Variants in PSMD3 observed in about 807,000 individuals in gnomAD.
PSMD3 encodes the protein 26S proteasome non-ATPase regulatory subunit 3.
PSMD3 carries 5 observed loss-of-function variants against 62.8 expected under a neutral mutation model. The ratio of observed to expected loss-of-function variants is 0.08; its 90% CI spans 0.04 to 0.17. The LOEUF is 0.17. Ranked by LOEUF, PSMD3 falls within the 10% of genes least tolerant of loss-of-function variation. The pLI is 1.00. For missense variants in PSMD3, 524 were observed against 713.6 expected, an observed-to-expected ratio of 0.73 and a Z score of 3.03; for synonymous variants, 265 against 283.9, an observed-to-expected ratio of 0.93 and a Z score of 0.67.
In PSMD3 at chr17:39,981,866, A is replaced by G. The variant is rs115676803; in HGVS notation, c.220+676A>G. On this transcript the variant is annotated intron_variant, in intron 1 of 11. Coordinates refer to ENST00000264639, the MANE Select transcript of PSMD3 (RefSeq NM_002809.4). ...TACTCAACCTTTGGCCTAAACTCCT[A>G]TATACCGGTGTCTCCTATTTCTTTT... Among the ~76,000 whole-genome samples, 1,285 of 152,204 alleles carry G rather than the reference A, an allele frequency of 8.4e-3. 23 individuals are homozygous for G. The highest frequency in any genetic ancestry group is 0.03 in the African/African-American group (1,242 of 41,506).
Position 39,997,577 on chromosome 17 carries a change from C to G in PSMD3, c.1601C>G (p.Pro534Arg). Reference sequence around the variant, plus strand: ...GCAGAAGATGATGATGACAGCTTCCCTTGAGCTGGGGGGCTGGGGAGGGGT... The same window carrying G: ...GCAGAAGATGATGATGACAGCTTCCGTTGAGCTGGGGGGCTGGGGAGGGGT... ...EMAEDDDDSFP is the reference protein window; with the variant it reads ...EMAEDDDDSFR Residue 534 changes from proline to arginine, a missense_variant, in exon 12 of 12, where the codon CCT becomes CGT. Transcript: ENST00000264639. The G allele has an allele frequency of 2.6e-6, 4 of 1,566,476 alleles. No individual in the cohort carries two copies. Among genetic ancestry groups the G allele is most frequent in the Middle Eastern group, 1.7e-4 (1 of 5,884 alleles).
chr17:39,992,194 A>G (rs1980674500), intron 6 of PSMD3, among the ~76,000 whole-genome samples: 1 of 152,200 alleles, frequency 6.6e-6, no homozygotes, highest in African/African-American at 2.4e-5. Context: ...CTAGTAATTA[A>G]CATATATAAA....
intron 1 of PSMD3, among the ~76,000 whole-genome samples, chr17:39,983,199 A>AT (rs1156593180): frequency 1.3e-5 from 2 of 152,046 alleles, no homozygotes; most frequent in South Asian, 2.1e-4. Flanking sequence ...CGCCCGGCTA[A>AT]TTTTTTTATT....
chr17:39,995,462 T>A lies in PSMD3; in HGVS notation c.1255T>A (p.Leu419Met). The A allele has an allele frequency of 6.2e-7, 1 of 1,614,106 alleles. No homozygotes were observed. Among genetic ancestry groups the A allele is most frequent in the Non-Finnish European group, 8.5e-7 (1 of 1,179,970 alleles). The change falls in exon 9 of 12, where the codon TTG becomes ATG. Residue 419 changes from leucine to methionine, a missense_variant. Physicochemically the swap from Leu to Met is conservative, Grantham distance 15 (BLOSUM62 2). This residue lies in a region of PSMD3 where 76 missense variants were observed against 97.3 expected (regional missense o/e 0.78). Transcript: ENST00000264639. The surrounding 1 kb of genome is among the most constrained non-coding windows in gnomAD (Gnocchi z 4.1). ...CAGCCTCTCCTATTCCCGAATCTCC[T>A]TGGCTGACATCGCCCAGAAGCTGCA... is the stretch of plus-strand genomic sequence containing the variant. ...MISLSYSRIS[L>M]ADIAQKLQLD...
chr17:39,986,376 G>A (rs990821779), intron 2 of PSMD3, among the ~76,000 whole-genome samples, 199 bp from the exon 3 acceptor site: 8 of 152,160 alleles, frequency 5.3e-5, no homozygotes, highest in South Asian at 2.1e-4. Flanking sequence ...CACTACCGGC[G>A]TGAGCCACCA....
chr17:39,988,615 C>T, intron 3 of PSMD3, 68 bp from the exon 4 acceptor site: 1 of 1,564,264 alleles, frequency 6.4e-7, no homozygotes, highest in Non-Finnish European at 8.7e-7. Flanking sequence ...ATTGCTGGCT[C>T]AAATGACAAC....
Position 39,981,175 on chromosome 17 carries a change from A to G in PSMD3, c.205A>G (p.Thr69Ala). ...AAEHSQRELDTVTLEDIKEHV... is the reference protein window; with the variant it reads ...AAEHSQRELDAVTLEDIKEHV... Reference sequence around the variant, plus strand: ...TGAGCACTCCCAGCGAGAGCTGGACACAGTCACCTTGGAGGGTACGGCAGC... The same window carrying G: ...TGAGCACTCCCAGCGAGAGCTGGACGCAGTCACCTTGGAGGGTACGGCAGC... Residue 69 changes from threonine to alanine, a missense_variant, in exon 1 of 12, where the codon ACA (threonine) becomes GCA (alanine). Coordinates refer to ENST00000264639, the MANE Select transcript of PSMD3 (RefSeq NM_002809.4). The G allele has an allele frequency of 6.4e-7, 1 of 1,550,836 alleles. No homozygotes were observed. The highest frequency in any genetic ancestry group is 8.7e-7 in the Non-Finnish European group (1 of 1,146,860).
intron 1 of PSMD3, 50 bp from the exon 2 acceptor site, chr17:39,984,244 G>A (rs745698403): frequency 1.5e-6 from 2 of 1,317,942 alleles, no homozygotes; most frequent in East Asian, 4.8e-5. Flanking sequence ...CTGGAGTGGT[G>A]GGGGACTAGG....
At chr17:39,981,520 G>T (rs1352437736) in intron 1 of PSMD3, among the ~76,000 whole-genome samples, 1 of 152,108 alleles carries the variant, frequency 6.6e-6, no homozygotes, top group East Asian at 1.9e-4. Context: ...TGATTTTAGC[G>T]CCTCCAATAT....
intron 1 of PSMD3, among the ~76,000 whole-genome samples, 180 bp downstream of exon 1, chr17:39,981,370 C>T (rs8075668): frequency 0.51 from 77,942 of 152,064 alleles, 20,411 homozygotes; most frequent in Middle Eastern, 0.68. Flanking sequence ...TGAACCTTCT[C>T]TCCAGGCTGG....
chr17:39,997,193 C>A, intron 10 of PSMD3, 137 bp from the exon 11 acceptor site: 1 of 760,864 alleles, frequency 1.3e-6, no homozygotes, highest in Non-Finnish European at 2.3e-6. Flanking sequence ...CCTAGCCCCC[C>A]ACTAGACTAA....
intron 6 of PSMD3, 59 bp downstream of exon 6, chr17:39,990,256 T>A: frequency 7.3e-7 from 1 of 1,373,516 alleles, no homozygotes; most frequent in Non-Finnish European, 1.0e-6. Flanking sequence ...TTAAATGGTG[T>A]CTTGCTATGT....
At position 39,995,869 on chromosome 17, in the gene PSMD3, AGCACTTTGGGAG is replaced by A. The variant is rs1980769730; in HGVS notation, c.1321-311_1321-300del. On this transcript the variant is annotated intron_variant, in intron 9 of 11. Coordinates refer to ENST00000264639, the MANE Select transcript of PSMD3 (RefSeq NM_002809.4). This position sits in a 1 kb window ranked among gnomAD's most constrained non-coding sequence, Gnocchi z 4.1. ...CGCAGTGGCTCATGCCTGTAATCCC[AGCACTTTGGGAG>A]GCTGACATGGGCAGATCACCTGAGG... 1 of 477,588 alleles carries A rather than the reference AGCACTTTGGGAG, an allele frequency of 2.1e-6. No homozygotes were observed. Among genetic ancestry groups the A allele is most frequent in the South Asian group, 2.1e-5 (1 of 48,164 alleles). 29.6% of individuals were successfully genotyped at this position (477,588 alleles called of 1,614,324 possible).
At position 39,995,386 on chromosome 17, in the gene PSMD3, G is replaced by A. The variant is rs1435683970; in HGVS notation, c.1217-38G>A. On this transcript the variant is annotated intron_variant, in intron 8 of 11. Transcript: ENST00000264639. This position sits in a 1 kb window ranked among gnomAD's most constrained non-coding sequence, Gnocchi z 4.1. Reference sequence around the variant, plus strand: ...ATCCTTGGGCAAGTGAAGGGTCTGTGTCCACTCTGCCCACCCCATCGCTCC... The same window carrying A: ...ATCCTTGGGCAAGTGAAGGGTCTGTATCCACTCTGCCCACCCCATCGCTCC... The A allele has an allele frequency of 1.1e-5, 18 of 1,612,624 alleles. No individual in the cohort carries two copies. The highest frequency in any genetic ancestry group is 1.5e-5 in the Non-Finnish European group (18 of 1,178,716).
At chr17:39,984,688 A>G (rs939125986) in intron 2 of PSMD3, among the ~76,000 whole-genome samples, 2 of 152,216 alleles carry the variant, frequency 1.3e-5, no homozygotes, top group Non-Finnish European at 2.9e-5. Flanking sequence ...TCAGGGGATC[A>G]GGACCCTCCC....
chr17:39,997,086 T>C (rs951199395), intron 10 of PSMD3, among the ~76,000 whole-genome samples: 2 of 152,186 alleles, frequency 1.3e-5, no homozygotes, highest in Non-Finnish European at 2.9e-5. Flanking sequence ...TCCACTGTGT[T>C]CCTCCTTTTC....
chr17:39,984,204 A>T (rs1168583788), intron 1 of PSMD3, 90 bp from the exon 2 acceptor site: 1 of 670,096 alleles, frequency 1.5e-6, no homozygotes, highest in East Asian at 4.3e-5. Flanking sequence ...CGTCTCAAAA[A>T]AAAAAAAAAA....
intron 1 of PSMD3, 97 bp downstream of exon 1, chr17:39,981,287 C>T (rs375808078): frequency 1.1e-5 from 17 of 1,519,924 alleles, no homozygotes; most frequent in Middle Eastern, 2.3e-4. Flanking sequence ...CCTCCACCAC[C>T]CTCAGTTCTT....
rs2305483 is a variant in PSMD3, at chr17:39,986,745, C to A, written c.549+33C>A. ...GGATGCAGTGAGAGCGATTCATAAG[C>A]CCCAAGTGATGCAAGGGGTTTGGCG... On this transcript the variant is annotated intron_variant, in intron 3 of 11. Coordinates refer to ENST00000264639, the MANE Select transcript of PSMD3 (RefSeq NM_002809.4). 1,326 of 1,610,756 alleles carry A rather than the reference C, an allele frequency of 8.2e-4. 21 individuals are homozygous for A. In the East Asian group the frequency reaches 0.026, roughly 32 times the overall value.
Sources: gnomAD v4.1 joint callset for allele counts (sites outside exome capture counted in the v4.1 genomes callset) on GRCh38, gnomAD v4.1.1 for gene constraint, gnomAD v4.1.1 regional missense constraint, Gnocchi (gnomAD v3.1) non-coding constraint, MANE v1.5 for transcripts, NCBI Gene and HGNC (gene_info 2026-07-23, HGNC 2026-07-21) for gene names.